Variants in TMPRSS2 observed in about 807,000 individuals in gnomAD.
TMPRSS2 encodes transmembrane serine protease 2, also known as transmembrane protease serine 2.
A neutral mutation model predicts 67.4 loss-of-function variants in TMPRSS2; 59 were observed. The observed-to-expected ratio is 0.88, with a 90% CI of 0.71 to 1.09. The LOEUF is 1.09. TMPRSS2 is among the 50% of genes least tolerant of loss of function. The probability of loss-of-function intolerance (pLI) is 0.00; values close to 1 mark genes in which losing one functional copy is unlikely to be tolerated. For synonymous variants in TMPRSS2, 257 were observed against 257.0 expected (o/e 1.00, Z 0.00); for missense variants, 668 against 642.7 (o/e 1.04, Z -0.43).
At chr21:41,471,079 G>A (rs35050484) in intron 10 of TMPRSS2, among the ~76,000 whole-genome samples, 4,227 of 152,340 alleles carry the variant, frequency 0.028, 94 homozygotes, top group Middle Eastern at 0.048. Flanking sequence ...AGTCAATGGA[G>A]TCAGCTTTCG....
In TMPRSS2 at chr21:41,478,138, C is replaced by T. The variant is rs2091230179; in HGVS notation, c.683+1034G>A. ...GCTTCTCCACAGGGACAAACCGCAG[C>T]CCTGCTGTTTTGATGGGTGCACCTG... On this transcript the variant is annotated intron_variant, in intron 7 of 13. Coordinates refer to ENST00000332149, the MANE Select transcript of TMPRSS2 (RefSeq NM_005656.4). This position sits in a 1 kb window ranked among gnomAD's most constrained non-coding sequence, Gnocchi z 4.0. Among the ~76,000 whole-genome samples the T allele has an allele frequency of 6.6e-6, 1 of 152,270 alleles. No homozygotes were observed. Among genetic ancestry groups the T allele is most frequent in the Admixed American group, 6.5e-5 (1 of 15,292 alleles).
rs1488960840 is a variant in TMPRSS2, at chr21:41,471,793, G to A, written c.1075+13C>T. 3 of 1,585,100 alleles carry A rather than the reference G, an allele frequency of 1.9e-6. No individual in the cohort carries two copies. Among genetic ancestry groups the A allele is most frequent in the Non-Finnish European group, 2.6e-6 (3 of 1,160,966 alleles). ...TTCTGCCAACCTGCTTGCCAAGCCTGAGCCACACGTACCGTTGAAAGTCAG... is the reference window on the plus strand; with the variant it reads ...TTCTGCCAACCTGCTTGCCAAGCCTAAGCCACACGTACCGTTGAAAGTCAG... On this transcript the variant is annotated intron_variant, in intron 10 of 13. Transcript: ENST00000332149.
chr21:41,480,664 A>G lies in TMPRSS2; in HGVS notation c.446-62T>C, dbSNP rs378501. ...TTTTTTTTTCTTTTTTTTGAGACGGAGTCTCGCTCTGTCACCTAGGCTGAA... is the reference window on the plus strand; with the variant it reads ...TTTTTTTTTCTTTTTTTTGAGACGGGGTCTCGCTCTGTCACCTAGGCTGAA... On this transcript the variant is annotated intron_variant, in intron 5 of 13. Transcript: ENST00000332149. 1.4e-3 allele frequency: 2,152 copies of G among 1,576,096 alleles called. 85 individuals carry two copies. In the East Asian group the frequency reaches 0.043, roughly 31 times the overall value.
chr21:41,495,047 G>A (rs1007596550), intron 2 of TMPRSS2, among the ~76,000 whole-genome samples: 4 of 141,566 alleles, frequency 2.8e-5, no homozygotes, highest in East Asian at 2.0e-4. Flanking sequence ...CCAGCCTGGC[G>A]ACAGAGCAAG....
At chr21:41,495,443 G>A (rs893861814) in intron 2 of TMPRSS2, among the ~76,000 whole-genome samples, 4 of 152,024 alleles carry the variant, frequency 2.6e-5, no homozygotes, top group Non-Finnish European at 5.9e-5. Flanking sequence ...GGCCAACATG[G>A]TGAAACCCCA....
chr21:41,490,028 A>G (rs1288365037), intron 3 of TMPRSS2, among the ~76,000 whole-genome samples: 1 of 151,886 alleles, frequency 6.6e-6, no homozygotes, highest in East Asian at 1.9e-4. Flanking sequence ...GGTGCCTGTA[A>G]TCCTAGCTAC....
At position 41,482,416 on chromosome 21, in the gene TMPRSS2, G is replaced by C. The variant is rs144033559; in HGVS notation, c.446-1814C>G. Among the ~76,000 whole-genome samples the C allele has an allele frequency of 2.5e-3, 376 of 152,322 alleles. 1 individual carries two copies. Among genetic ancestry groups the C allele is most frequent in the African/African-American group, 8.5e-3 (354 of 41,570 alleles). On this transcript the variant is annotated intron_variant, in intron 5 of 13. Coordinates refer to ENST00000332149, the MANE Select transcript of TMPRSS2 (RefSeq NM_005656.4). ...CTTGAAAACAGCGCTGTGGGAAAGA[G>C]AGCAAGTGATAAATGATGCGTTCAA...
At chr21:41,476,657 T>G (rs904056943) in intron 7 of TMPRSS2, 37 bp from the exon 8 acceptor site, 5 of 1,581,784 alleles carry the variant, frequency 3.2e-6, no homozygotes, top group Non-Finnish European at 4.3e-6. Flanking sequence ...GTCACGATAG[T>G]GCGGAGTCAC....
At chr21:41,488,560 A>C in intron 4 of TMPRSS2, 47 bp from the exon 5 acceptor site, 4 of 1,570,400 alleles carry the variant, frequency 2.5e-6, no homozygotes, top group South Asian at 2.3e-5. Context: ...TGAGAAACGC[A>C]ATGAGCCTCA....
At chr21:41,508,026 G>C (rs2091471370) in intron 1 of TMPRSS2, 55 bp downstream of exon 1, 1 of 1,337,098 alleles carries the variant, frequency 7.5e-7, no homozygotes, top group Admixed American at 4.0e-5. Flanking sequence ...AGGCGCCCAG[G>C]TTCCCCTCCC....
chr21:41,473,668 C>A (rs2091156023), intron 8 of TMPRSS2, among the ~76,000 whole-genome samples, 172 bp from the exon 9 acceptor site: 1 of 151,866 alleles, frequency 6.6e-6, no homozygotes. Flanking sequence ...AGGGAGGATG[C>A]CCCTCCAGCC....
chr21:41,467,823 T>G lies in TMPRSS2; in HGVS notation c.1378A>C (p.Ser460Arg), dbSNP rs1306483136. 15 of 1,614,108 alleles carry G rather than the reference T, an allele frequency of 9.3e-6. No individual in the cohort carries two copies. The highest frequency in any genetic ancestry group is 1.3e-5 in the Non-Finnish European group (15 of 1,180,046). ...GCTTTGGCACAGCCAGAACCCCAGC[T>G]TGTATCCCCTATCAGCCACCAGATA... The part of the protein sequence containing the change: ...NNIWWLIGDT[S>R]WGSGCAKAYR... The change falls in exon 13 of 14, where the codon AGC (serine) becomes CGC (arginine). Residue 460 changes from serine to arginine, a missense_variant. Transcript: ENST00000332149.
At chr21:41,471,047 G>T (rs563188125) in intron 10 of TMPRSS2, among the ~76,000 whole-genome samples, 1 of 152,210 alleles carries the variant, frequency 6.6e-6, no homozygotes, top group Non-Finnish European at 1.5e-5. Context: ...CACACAGGAG[G>T]CAACAGCCAA....
chr21:41,476,020 C>T (rs187662898), intron 8 of TMPRSS2, among the ~76,000 whole-genome samples: 3 of 152,180 alleles, frequency 2.0e-5, no homozygotes, highest in Admixed American at 6.5e-5. Context: ...GTGGCTTCCA[C>T]ATTTGCAAAC....
At chr21:41,468,316 C>T (rs546828409) in intron 12 of TMPRSS2, 80 bp downstream of exon 12, 2 of 1,563,990 alleles carry the variant, frequency 1.3e-6, no homozygotes, top group Non-Finnish European at 1.7e-6. Context: ...GCTCTGCTGA[C>T]CCCAAGAATG....
intron 7 of TMPRSS2, among the ~76,000 whole-genome samples, chr21:41,477,177 C>G (rs1004095970): frequency 1.3e-5 from 2 of 152,154 alleles, no homozygotes; most frequent in Non-Finnish European, 1.5e-5. Flanking sequence ...AGGGAAGACG[C>G]GGCCCCTGGC....
chr21:41,493,247 G>T (rs531545827), intron 3 of TMPRSS2, among the ~76,000 whole-genome samples: 16 of 152,266 alleles, frequency 1.1e-4, no homozygotes, highest in African/African-American at 3.9e-4. Flanking sequence ...CGGAAGAAGG[G>T]AAAGAGAGAA....
chr21:41,489,618 G>T, intron 3 of TMPRSS2, 25 bp from the exon 4 acceptor site: 1 of 1,550,234 alleles, frequency 6.5e-7, no homozygotes, highest in Non-Finnish European at 8.9e-7. Context: ...AGAGTGCAAC[G>T]TTCAGACCAG....
intron 1 of TMPRSS2, among the ~76,000 whole-genome samples, chr21:41,501,619 A>G (rs1418926419): frequency 1.7e-5 from 2 of 118,302 alleles, no homozygotes; most frequent in African/African-American, 4.3e-5. Context: ...AAAAAAAAAA[A>G]AAAAAAAAAA....
Sources: allele counts gnomAD v4.1 joint callset (sites outside exome capture counted in the v4.1 genomes callset), GRCh38; gene constraint gnomAD v4.1.1; non-coding constraint Gnocchi (gnomAD v3.1); transcripts MANE v1.5; gene names NCBI Gene and HGNC (gene_info 2026-07-23, HGNC 2026-07-21).